GAS6: variants seen among roughly 807,000 people sequenced by gnomAD.
The protein encoded by GAS6 is growth arrest specific 6, also known as growth arrest-specific protein 6.
A neutral mutation model predicts 75.8 loss-of-function variants in GAS6; 41 were observed. The ratio of observed to expected loss-of-function variants is 0.54; its 90% CI spans 0.42 to 0.70. GAS6 has a LOEUF of 0.70. GAS6 is among the 30% of genes least tolerant of loss of function. GAS6 has a pLI of 0.00. For missense variants in GAS6, 854 were observed against 940.2 expected (o/e 0.91, Z 1.20); for synonymous variants, 432 against 412.6 (o/e 1.05, Z -0.57).
Position 113,821,083 on chromosome 13 carries a change from C to A in GAS6, c.1883-65G>T, listed in dbSNP as rs7319527. ...CGTGGCCGGCCCCGCCTGGCCCCCC[C>A]ACCCCCGGCAGCGCTTGTGGCCAGC... On this transcript the variant is annotated intron_variant, in intron 14 of 14. Transcript: ENST00000327773. 38 of 1,561,380 alleles carry A rather than the reference C, an allele frequency of 2.4e-5. 1 individual carries two copies. The highest frequency in any genetic ancestry group is 4.3e-4 in the Middle Eastern group (2 of 4,666).
At chr13:113,822,534 C>G in intron 13 of GAS6, 1 of 222,978 alleles carries the variant, frequency 4.5e-6, no homozygotes, top group Non-Finnish European at 8.8e-6. Context: ...TGATGGGGAC[C>G]CAGGACCCAG....
intron 2 of GAS6, among the ~76,000 whole-genome samples, chr13:113,855,801 C>T (rs543845106): frequency 9.8e-5 from 15 of 152,292 alleles, no homozygotes; most frequent in Admixed American, 2.6e-4. Context: ...TCACAGATGC[C>T]CTGGCAGCTG....
Position 113,827,091 on chromosome 13 carries a change from G to A in GAS6, c.1382C>T (p.Thr461Met), listed in dbSNP as rs202234400. The A allele has an allele frequency of 2.4e-5, 39 of 1,613,266 alleles. No individual in the cohort carries two copies. Among genetic ancestry groups the A allele is most frequent in the South Asian group, 1.2e-4 (11 of 91,034 alleles). The change falls in exon 12 of 15, where the codon ACG becomes ATG. Residue 461 changes from threonine to methionine, a missense_variant. Coordinates refer to ENST00000327773, the MANE Select transcript of GAS6 (RefSeq NM_000820.4). Reference sequence around the variant, plus strand: ...CTGCATCCTCGTGTTCACTTTCACCGTTTCCTGGATGGTGGTGTCTTCTCC... The same window carrying A: ...CTGCATCCTCGTGTTCACTTTCACCATTTCCTGGATGGTGGTGTCTTCTCC... Reference protein sequence around the residue: ...LNGEDTTIQETVKVNTRMQCF... With the variant: ...LNGEDTTIQEMVKVNTRMQCF...
chr13:113,823,422 A>G lies in GAS6; in HGVS notation c.1606T>C (p.Ser536Pro). 1 of 1,612,676 alleles carries G rather than the reference A, an allele frequency of 6.2e-7. No individual in the cohort carries two copies. The highest frequency in any genetic ancestry group is 8.5e-7 in the Non-Finnish European group (1 of 1,179,874). The part of the protein sequence containing the change: ...WAPDLRAVPL[S>P]VALVDYHSTK... ...GAGTGATAGTCTACCAGTGCCACAG[A>G]GAGAGGCACGGCACGGAGGTCGGGG... The change falls in exon 13 of 15, where the codon TCT becomes CCT. Residue 536 changes from serine to proline, a missense_variant. Physicochemically the swap from Ser to Pro is moderately conservative, Grantham distance 74 (BLOSUM62 -1). Coordinates refer to ENST00000327773, the MANE Select transcript of GAS6 (RefSeq NM_000820.4).
At chr13:113,839,065 G>A in intron 5 of GAS6, 1 of 161,046 alleles carries the variant, frequency 6.2e-6, no homozygotes, top group Admixed American at 6.0e-5. Flanking sequence ...CAGCTCCCTG[G>A]ATGCCCATGT....
intron 14 of GAS6, 149 bp downstream of exon 14, chr13:113,821,809 C>G: frequency 1.6e-6 from 1 of 629,618 alleles, no homozygotes. Flanking sequence ...CACTAACGAC[C>G]CACCTGGACT....
chr13:113,864,063 C>G lies in GAS6; in HGVS notation c.-143G>C. 15 of 874,216 alleles carry G rather than the reference C, an allele frequency of 1.7e-5. No individual in the cohort carries two copies. The highest frequency in any genetic ancestry group is 1.9e-5 in the Non-Finnish European group (14 of 726,608). 54.2% of individuals were successfully genotyped at this position (874,216 alleles called of 1,614,324 possible). A position where few individuals can be genotyped will look rare whatever the true frequency, so the allele number is the denominator to read the frequency against. On this transcript the variant is annotated 5_prime_UTR_variant, in exon 1 of 15. Transcript: ENST00000327773. The stretch of plus-strand genomic sequence containing the variant: ...GGCGGCGGCGGCGGCTGCGGCACCT[C>G]AAGCGCTCGGTCTGGGCGTGTTCGG...
intron 2 of GAS6, among the ~76,000 whole-genome samples, chr13:113,853,668 T>A (rs1056383146): frequency 1.3e-5 from 2 of 152,226 alleles, no homozygotes; most frequent in Non-Finnish European, 2.9e-5. Flanking sequence ...CCATGGGAAA[T>A]GGTCACAAGA....
intron 2 of GAS6, among the ~76,000 whole-genome samples, chr13:113,854,213 G>C (rs1159389769): frequency 3.3e-5 from 5 of 152,208 alleles, no homozygotes; most frequent in Admixed American, 3.3e-4. Flanking sequence ...GCTGGGAAAG[G>C]CCTCTGTAGC....
chr13:113,846,879 C>T (rs879115883), intron 3 of GAS6: 55 of 494,784 alleles, frequency 1.1e-4, no homozygotes, highest in South Asian at 9.7e-4. Context: ...GGAGAATCAC[C>T]GGGAATGCTC....
At chr13:113,825,590 CT>C in intron 12 of GAS6, among the ~76,000 whole-genome samples, 1 of 152,176 alleles carries the variant, frequency 6.6e-6, no homozygotes, top group Non-Finnish European at 1.5e-5. Flanking sequence ...GAAATGGCCC[CT>C]GTGATGCCTG....
chr13:113,841,452 C>T (rs1250931041), intron 4 of GAS6: 5 of 106,400 alleles, frequency 4.7e-5, no homozygotes, highest in African/African-American at 1.0e-4. Context: ...CGTACACCCG[C>T]GTTTCCTCCG....
At chr13:113,858,990 G>C (rs565294758) in intron 2 of GAS6, among the ~76,000 whole-genome samples, 1 of 151,904 alleles carries the variant, frequency 6.6e-6, no homozygotes, top group Non-Finnish European at 1.5e-5. Flanking sequence ...ATGAATGTGT[G>C]CATGTATGTA....
In GAS6 at chr13:113,863,758, A is replaced by G. The variant is rs778362786; in HGVS notation, c.89-17T>C. On this transcript the variant is annotated splice_polypyrimidine_tract_variant and intron_variant, in intron 1 of 14. Coordinates refer to ENST00000327773, the MANE Select transcript of GAS6 (RefSeq NM_000820.4). This position sits in a 1 kb window ranked among gnomAD's most constrained non-coding sequence, Gnocchi z 9.4. ...ACAGCGCGGCTGCCCGGAGGGAGAG[A>G]GGGGGACGCGTCAAGCCGCGCCCGG... 8 of 1,474,668 alleles carry G rather than the reference A, an allele frequency of 5.4e-6. No individual in the cohort carries two copies. The highest frequency in any genetic ancestry group is 5.1e-5 in the South Asian group (4 of 78,026). The allele number at this position is 1,474,668 out of a possible 1,614,324, so 91.3% of individuals were successfully genotyped here. A position where few individuals can be genotyped will look rare whatever the true frequency, so the allele number is the denominator to read the frequency against.
intron 10 of GAS6, among the ~76,000 whole-genome samples, chr13:113,830,037 G>A (rs887074184): frequency 1.3e-5 from 2 of 152,238 alleles, no homozygotes; most frequent in Admixed American, 6.5e-5. Flanking sequence ...CTCATCATCT[G>A]GGCCAGGAGG....
intron 10 of GAS6, among the ~76,000 whole-genome samples, chr13:113,831,266 C>A (rs2138629250): frequency 6.6e-6 from 1 of 152,316 alleles, no homozygotes; most frequent in East Asian, 1.9e-4. Flanking sequence ...TGGCAAGGGG[C>A]AGCTCCCGTG....
chr13:113,862,212 G>A (rs1416038804), intron 2 of GAS6, among the ~76,000 whole-genome samples: 1 of 152,204 alleles, frequency 6.6e-6, no homozygotes, highest in Admixed American at 6.5e-5. Flanking sequence ...GGAGGACAGC[G>A]AGGAGGGGCT....
chr13:113,826,755 C>T (rs571415013), intron 12 of GAS6, among the ~76,000 whole-genome samples: 29 of 152,220 alleles, frequency 1.9e-4, no homozygotes, highest in Admixed American at 3.3e-4. Flanking sequence ...GGCACCTTCT[C>T]GGCACATCTC....
At chr13:113,823,854 G>A (rs1233213483) in intron 12 of GAS6, among the ~76,000 whole-genome samples, 4 of 151,662 alleles carry the variant, frequency 2.6e-5, no homozygotes, top group South Asian at 2.1e-4. Flanking sequence ...ACCATGGGAC[G>A]CAGGCCTGTC....
Sources: allele counts gnomAD v4.1 joint callset (sites outside exome capture counted in the v4.1 genomes callset), GRCh38; gene constraint gnomAD v4.1.1; non-coding constraint Gnocchi (gnomAD v3.1); transcripts MANE v1.5; gene names NCBI Gene and HGNC (gene_info 2026-07-23, HGNC 2026-07-21).